Variants in CFAP47 observed in about 807,000 individuals in gnomAD.
CFAP47 encodes cilia and flagella associated protein 47, also known as cilia- and flagella-associated protein 47.
A neutral mutation model predicts 148.1 loss-of-function variants in CFAP47; 29 were observed. The observed-to-expected ratio is 0.20, with a 90% confidence interval of 0.15 to 0.27. The LOEUF is 0.27. Ranked by LOEUF, CFAP47 falls within the 10% of genes least tolerant of loss-of-function variation. The probability of loss-of-function intolerance (pLI) is 1.00; values close to 1 mark genes in which losing one functional copy is unlikely to be tolerated. For synonymous variants in CFAP47, 664 were observed against 577.3 expected, an observed-to-expected ratio of 1.15 and a Z score of -2.15; for missense variants, 1,872 against 1,697.5, an observed-to-expected ratio of 1.10 and a Z score of -1.81.
At chrX:36,084,101 C>T (rs1313896500) in intron 29 of CFAP47, among the ~76,000 whole-genome samples, 1 of 110,442 alleles carries the variant, frequency 9.1e-6, no homozygotes, top group Non-Finnish European at 1.9e-5. Context: ...TTTATTTATT[C>T]AGATTTTTAT....
intron 52 of CFAP47, among the ~76,000 whole-genome samples, chrX:36,299,927 G>A (rs1252481762): frequency 1.8e-5 from 2 of 112,051 alleles, no homozygotes; most frequent in East Asian, 5.6e-4. Flanking sequence ...ATTCTGCGAA[G>A]CATGAAAATA....
At chrX:36,098,903 C>T in intron 31 of CFAP47, 29 bp downstream of exon 31, 1 of 871,010 alleles carries the variant, frequency 1.1e-6, no homozygotes, top group Non-Finnish European at 1.7e-6. Context: ...TTGGAACAAA[C>T]CACACAGTTA....
chrX:36,109,807 C>T (rs1337988151), intron 33 of CFAP47, among the ~76,000 whole-genome samples: 1 of 111,843 alleles, frequency 8.9e-6, no homozygotes, highest in Non-Finnish European at 1.9e-5. Flanking sequence ...GCCATTCTGA[C>T]TCGTGTGAGA....
intron 62 of CFAP47, among the ~76,000 whole-genome samples, chrX:36,371,620 TAA>T (rs1491269501): frequency 1.2e-5 from 1 of 80,684 alleles, no homozygotes; most frequent in African/African-American, 4.4e-5. Context: ...TATATATGTG[TAA>T]TATATGTGTA....
chrX:36,091,324 A>G (rs1022050922), intron 30 of CFAP47, among the ~76,000 whole-genome samples: 1 of 111,321 alleles, frequency 9.0e-6, no homozygotes, highest in Non-Finnish European at 1.9e-5. Flanking sequence ...AACGTTTGAT[A>G]TAAGTGACCA....
intron 57 of CFAP47, among the ~76,000 whole-genome samples, chrX:36,347,648 GAAGCCATCATTCT>G (rs1383919693): frequency 9.0e-6 from 1 of 111,532 alleles, no homozygotes. Flanking sequence ...GATGAAGCTG[GAAGCCATCATTCT>G]CAGCAAACTA....
chrX:36,344,093 G>A, intron 57 of CFAP47, among the ~76,000 whole-genome samples: 1 of 106,770 alleles, frequency 9.4e-6, no homozygotes, highest in Non-Finnish European at 1.9e-5. Flanking sequence ...GGTGGGGGGA[G>A]TGGGGAGGGA....
In CFAP47 at chrX:35,976,300, C is replaced by T. The variant is rs184683060; in HGVS notation, c.2713+387C>T. 3.6e-5 allele frequency among the ~76,000 whole-genome samples: 4 copies of T among 111,206 alleles called. No individual in the cohort carries two copies. In the Admixed American group the frequency reaches 3.9e-4, roughly 11 times the overall value. The stretch of plus-strand genomic sequence containing the variant: ...GTGGAGTCTTGAGTCCAAAGGCATT[C>T]TGGAGGCAGAATTTATTATTCCTCC... On this transcript the variant is annotated intron_variant, in intron 15 of 63. Transcript: ENST00000378653.
chrX:36,059,736 A>C lies in CFAP47; in HGVS notation c.4218-5907A>C, dbSNP rs1441310511. Among the ~76,000 whole-genome samples the C allele has an allele frequency of 5.4e-5, 6 of 111,735 alleles. No homozygotes were observed. In the Admixed American group the frequency reaches 5.7e-4, roughly 11 times the overall value. On this transcript the variant is annotated intron_variant, in intron 26 of 63. Coordinates refer to ENST00000378653, the MANE Select transcript of CFAP47 (RefSeq NM_001304548.2). ...TGTATATCTGTGCATATGCACTAGT[A>C]AGTTTGCTATGATTTGGATATGGTT...
At chrX:36,130,954 G>A (rs1938937021) in intron 33 of CFAP47, among the ~76,000 whole-genome samples, 1 of 110,474 alleles carries the variant, frequency 9.1e-6, no homozygotes, top group Non-Finnish European at 1.9e-5. Flanking sequence ...TGGGGGAGGT[G>A]GGGATAGTTA....
At chrX:35,923,352 A>G (rs926792417) in intron 1 of CFAP47, among the ~76,000 whole-genome samples, 30 of 111,915 alleles carry the variant, frequency 2.7e-4, no homozygotes, top group African/African-American at 9.1e-4. Flanking sequence ...AAAATGCTTG[A>G]CACATTATAA....
chrX:36,101,372 C>A (rs747150711), intron 32 of CFAP47, among the ~76,000 whole-genome samples: 24 of 112,300 alleles, frequency 2.1e-4, no homozygotes, highest in African/African-American at 7.1e-4. Context: ...CAGTGTCCCA[C>A]TGACTTCACA....
At chrX:35,957,671 G>A (rs1234164801) in intron 8 of CFAP47, among the ~76,000 whole-genome samples, 1 of 111,782 alleles carries the variant, frequency 8.9e-6, no homozygotes, top group Non-Finnish European at 1.9e-5. Context: ...AGTAACATAT[G>A]CATCTTTCAA....
At chrX:36,096,638 T>C (rs1938282775) in intron 30 of CFAP47, among the ~76,000 whole-genome samples, 1 of 110,465 alleles carries the variant, frequency 9.1e-6, no homozygotes, top group African/African-American at 3.3e-5. Flanking sequence ...TGAAATCTAC[T>C]TTTTTTTGAT....
intron 56 of CFAP47, among the ~76,000 whole-genome samples, chrX:36,317,750 GTTAT>G (rs1216250308): frequency 4.5e-5 from 5 of 110,109 alleles, no homozygotes; most frequent in Admixed American, 2.9e-4. Context: ...GTTTAATTGG[GTTAT>G]TTGTCTTAGT....
intron 33 of CFAP47, among the ~76,000 whole-genome samples, chrX:36,130,507 A>T (rs1938927993): frequency 9.0e-6 from 1 of 111,283 alleles, no homozygotes; most frequent in African/African-American, 3.3e-5. Context: ...ACTATAGAGA[A>T]CAGTTTGGAG....
chrX:35,928,246 G>A (rs1935775786), intron 2 of CFAP47, among the ~76,000 whole-genome samples: 1 of 110,553 alleles, frequency 9.0e-6, no homozygotes, highest in African/African-American at 3.3e-5. Flanking sequence ...CAGAGCGCCT[G>A]TACCATTTTA....
intron 8 of CFAP47, among the ~76,000 whole-genome samples, chrX:35,961,159 T>C (rs1231763075): frequency 8.9e-6 from 1 of 112,124 alleles, no homozygotes; most frequent in African/African-American, 3.2e-5. Flanking sequence ...CATTGACATA[T>C]GGATATTAAA....
At chrX:36,118,085 G>C (rs1265179470) in intron 33 of CFAP47, among the ~76,000 whole-genome samples, 1 of 111,439 alleles carries the variant, frequency 9.0e-6, no homozygotes, top group East Asian at 2.8e-4. Flanking sequence ...TCTCTATTCT[G>C]TTCCCTTGGA....
Sources: allele counts gnomAD v4.1 joint callset (sites outside exome capture counted in the v4.1 genomes callset), GRCh38; gene constraint gnomAD v4.1.1; transcripts MANE v1.5; gene names NCBI Gene and HGNC (gene_info 2026-07-23, HGNC 2026-07-21).